The following UBE2E1 variants were observed in gnomAD, a reference collection of about 807,000 sequenced individuals.
The protein encoded by UBE2E1 is ubiquitin-conjugating enzyme E2 E1.
In UBE2E1, 6 loss-of-function variants were observed where a neutral mutation model predicts 21.4. The ratio of observed to expected loss-of-function variants is 0.28; its 90% CI spans 0.15 to 0.55. UBE2E1 has a LOEUF of 0.55. Ranked by LOEUF, UBE2E1 falls within the 20% of genes least tolerant of loss-of-function variation. The pLI, the probability that UBE2E1 is intolerant of heterozygous loss-of-function variation, is 0.93. For missense variants in UBE2E1, 142 were observed against 236.5 expected, an observed-to-expected ratio of 0.60 and a Z score of 2.62; for synonymous variants, 87 against 82.7, an observed-to-expected ratio of 1.05 and a Z score of -0.28.
chr3:23,840,508 A>C (rs1178440479), intron 3 of UBE2E1, among the ~76,000 whole-genome samples: 1 of 152,182 alleles, frequency 6.6e-6, no homozygotes, highest in Non-Finnish European at 1.5e-5. Context: ...CCTGCTTTTG[A>C]GAGTGACCAG....
rs1230678369 is a variant in UBE2E1 at position 23,810,309 on chromosome 3, C to G, written c.153-1151C>G. 2 of 834,480 alleles carry G rather than the reference C, an allele frequency of 2.4e-6. No homozygotes were observed. The highest frequency in any genetic ancestry group is 1.9e-6 in the Non-Finnish European group (1 of 523,320). The allele number at this position is 834,480 out of a possible 1,614,324, so 51.7% of individuals were successfully genotyped here. A position where few individuals can be genotyped will look rare whatever the true frequency, so the allele number is the denominator to read the frequency against. On this transcript the variant is annotated intron_variant, in intron 2 of 5. Transcript: ENST00000306627. The surrounding 1 kb of genome is among the most constrained non-coding windows in gnomAD (Gnocchi z 5.8). ...CTAAACTGTCGTATTAATTGATGCTCTAAGTGCCTAGGTAAGCAAAAGACA... is the reference window on the plus strand; with the variant it reads ...CTAAACTGTCGTATTAATTGATGCTGTAAGTGCCTAGGTAAGCAAAAGACA...
chr3:23,864,861 G>A (rs1218866633), intron 3 of UBE2E1, among the ~76,000 whole-genome samples: 1 of 152,210 alleles, frequency 6.6e-6, no homozygotes, highest in African/African-American at 2.4e-5. Flanking sequence ...GGAGCTGAGT[G>A]GAGAAAGAAA....
chr3:23,847,747 G>A (rs965566717), intron 3 of UBE2E1, among the ~76,000 whole-genome samples: 5 of 151,900 alleles, frequency 3.3e-5, no homozygotes, highest in Non-Finnish European at 7.4e-5. Flanking sequence ...CACCCACCTC[G>A]GCCTCCCAAA....
At chr3:23,834,782 G>T (rs912652407) in intron 3 of UBE2E1, among the ~76,000 whole-genome samples, 1 of 152,102 alleles carries the variant, frequency 6.6e-6, no homozygotes, top group African/African-American at 2.4e-5. Flanking sequence ...TACTAGGAAA[G>T]CTCTTTGAGA....
intron 3 of UBE2E1, chr3:23,879,562 G>A (rs181217555): frequency 1.6e-5 from 5 of 303,860 alleles, no homozygotes; most frequent in East Asian, 1.7e-4. Context: ...ACTTCTCTTC[G>A]TAGGTGATCC....
chr3:23,831,533 T>TTTTTTC (rs1553636717), intron 3 of UBE2E1, among the ~76,000 whole-genome samples: 1 of 150,840 alleles, frequency 6.6e-6, no homozygotes, highest in Non-Finnish European at 1.5e-5. Flanking sequence ...TTTTTTTTTT[T>TTTTTTC]CGAGACATGG....
In UBE2E1 at chr3:23,841,926, T is replaced by C. The variant is rs72627016; in HGVS notation, c.203+30416T>C. 3.5e-3 allele frequency among the ~76,000 whole-genome samples: 538 copies of C among 152,232 alleles called. 10 individuals are homozygous for C. The East Asian group carries it at 0.044, about 12-fold the overall frequency. ...TTCTATTAGGAGAGAGATGAAGGTA[T>C]TCTAGGTGAGTGTTGAGTGGCTGAC... On this transcript the variant is annotated intron_variant, in intron 3 of 5. Transcript: ENST00000306627.
At chr3:23,837,731 A>G (rs894925348) in intron 3 of UBE2E1, among the ~76,000 whole-genome samples, 6 of 152,204 alleles carry the variant, frequency 3.9e-5, no homozygotes, top group Admixed American at 3.9e-4. Flanking sequence ...ACTAGCCTAC[A>G]CCTGGTTTGA....
intron 3 of UBE2E1, among the ~76,000 whole-genome samples, chr3:23,877,524 T>TA (rs1174577551): frequency 6.6e-6 from 1 of 152,174 alleles, no homozygotes; most frequent in Non-Finnish European, 1.5e-5. Flanking sequence ...ATCCACCAGA[T>TA]GCCATTAGCA....
chr3:23,879,193 T>G lies in UBE2E1; in HGVS notation c.204-8374T>G. ...TTAGTTTCTTCCATCCTTCCACATC[T>G]AGAGTCCACAACAAATACAATGCCA... On this transcript the variant is annotated intron_variant, in intron 3 of 5. Coordinates refer to ENST00000306627, the MANE Select transcript of UBE2E1 (RefSeq NM_003341.5). The G allele has an allele frequency of 3.4e-6, 3 of 872,056 alleles. No individual in the cohort carries two copies. The South Asian group carries it at 3.8e-5, about 11-fold the overall frequency. The allele number at this position is 872,056 out of a possible 1,614,324, so 54.0% of individuals were successfully genotyped here.
In UBE2E1 at chr3:23,806,176, C is replaced by T. The variant is rs1699260509; in HGVS notation, c.-34+88C>T. 1 of 146,852 alleles carries T rather than the reference C, an allele frequency of 6.8e-6. No individual in the cohort carries two copies. The highest frequency in any genetic ancestry group is 2.5e-5 in the African/African-American group (1 of 40,606). 9.1% of individuals were successfully genotyped at this position (146,852 alleles called of 1,614,324 possible). ...CCTCGCCGCCTCCCCCGACTCGCGC[C>T]GCCGGGGCCGCCGGGCCGCAGGGCA... On this transcript the variant is annotated intron_variant, in intron 1 of 5. Transcript: ENST00000306627. This position sits in a 1 kb window ranked among gnomAD's most constrained non-coding sequence, Gnocchi z 6.5.
chr3:23,881,334 T>G (rs1478134141), intron 3 of UBE2E1, among the ~76,000 whole-genome samples: 2 of 152,378 alleles, frequency 1.3e-5, no homozygotes, highest in South Asian at 4.1e-4. Context: ...CTTTTTGCCT[T>G]GTATGTATTT....
chr3:23,872,908 T>C (rs1287575485), intron 3 of UBE2E1, among the ~76,000 whole-genome samples: 1 of 151,854 alleles, frequency 6.6e-6, no homozygotes, highest in Non-Finnish European at 1.5e-5. Context: ...TCCCAGCTAC[T>C]CAGGAGGCTG....
chr3:23,857,001 T>TA (rs34840201), intron 3 of UBE2E1, among the ~76,000 whole-genome samples: 79,895 of 129,830 alleles, frequency 0.62, 25,422 homozygotes, highest in East Asian at 0.87. Flanking sequence ...GGCTGTCTCT[T>TA]AAAAAAAAAA....
chr3:23,856,333 T>C (rs1321046171), intron 3 of UBE2E1, among the ~76,000 whole-genome samples: 1 of 152,200 alleles, frequency 6.6e-6, no homozygotes, highest in African/African-American at 2.4e-5. Context: ...GTTTCTTATA[T>C]CATACTGTTA....
At chr3:23,854,693 TA>T (rs1485167735) in intron 3 of UBE2E1, among the ~76,000 whole-genome samples, 1 of 152,204 alleles carries the variant, frequency 6.6e-6, no homozygotes, top group Non-Finnish European at 1.5e-5. Context: ...TAATGGACAG[TA>T]AAAGGACAAT....
rs1411450084 is a variant in UBE2E1, at chr3:23,890,537, T to G, written c.513T>G (p.Thr171=). The stretch of plus-strand genomic sequence containing the variant: ...ACCCCTTGGTGGGAAGTATTGCCAC[T>G]CAGTATATGACCAACAGAGCAGAAC... The part of the protein sequence containing the change: ...PADPLVGSIA[T]QYMTNRAEHD... The change falls in exon 6 of 6, where the codon ACT becomes ACG. Residue 171 remains threonine (T), a synonymous_variant. Coordinates refer to ENST00000306627, the MANE Select transcript of UBE2E1 (RefSeq NM_003341.5). 1 of 1,613,184 alleles carries G rather than the reference T, an allele frequency of 6.2e-7. No individual in the cohort carries two copies. Among genetic ancestry groups the G allele is most frequent in the Non-Finnish European group, 8.5e-7 (1 of 1,179,614 alleles).
chr3:23,825,752 AGTG>A (rs1260718203), intron 3 of UBE2E1, among the ~76,000 whole-genome samples: 1 of 152,064 alleles, frequency 6.6e-6, no homozygotes, highest in Non-Finnish European at 1.5e-5. Flanking sequence ...TGAGGGTGAG[AGTG>A]GTAGGAAATG....
chr3:23,829,863 T>C (rs1033106809), intron 3 of UBE2E1, among the ~76,000 whole-genome samples: 1 of 152,188 alleles, frequency 6.6e-6, no homozygotes, highest in Non-Finnish European at 1.5e-5. Flanking sequence ...TAAGCATGGA[T>C]TGATTGGCTC....
Sources: allele counts gnomAD v4.1 joint callset (sites outside exome capture counted in the v4.1 genomes callset), GRCh38; gene constraint gnomAD v4.1.1; non-coding constraint Gnocchi (gnomAD v3.1); transcripts MANE v1.5; gene names NCBI Gene and HGNC (gene_info 2026-07-23, HGNC 2026-07-21).